Variants in USH2A observed in about 807,000 individuals in gnomAD.
The protein encoded by USH2A is usherin, also known as Usher syndrome 2A (autosomal recessive, mild).
USH2A carries 443 observed loss-of-function variants against 538.9 expected under a neutral mutation model. That is an observed-to-expected ratio of 0.82 (90% CI 0.76 to 0.89). USH2A has a LOEUF of 0.89. Ranked by LOEUF, USH2A falls within the 40% of genes least tolerant of loss-of-function variation. USH2A has a pLI of 0.00. For synonymous variants in USH2A, 2,413 were observed against 2,273.5 expected (o/e 1.06, Z -1.75); for missense variants, 6,633 against 6,324.8 (o/e 1.05, Z -1.65).
In USH2A at chr1:215,813,787, C is replaced by T. The variant is rs528342000; in HGVS notation, c.9688G>A (p.Ala3230Thr). The change falls in exon 49 of 72, where the codon GCA becomes ACA. Residue 3230 changes from alanine (A) to threonine (T), a missense_variant. By Grantham distance (58) the Ala-to-Thr change is moderately conservative. Transcript: ENST00000307340. Reference protein sequence around the residue: ...GVCCGGRIQEAQPNHQCCSGY... With the variant: ...GVCCGGRIQETQPNHQCCSGY... ...GAGCAGCACTGATGATTTGGTTGTG[C>T]CTCCTGTATTCGGCCACCACAACAA... 63 of 1,613,900 alleles carry T rather than the reference C, an allele frequency of 3.9e-5. No individual in the cohort carries two copies. The Middle Eastern group carries it at 1.2e-3, about 30-fold the overall frequency.
intron 4 of USH2A, among the ~76,000 whole-genome samples, chr1:216,363,423 C>T (rs1338949385): frequency 6.6e-6 from 1 of 151,868 alleles, no homozygotes; most frequent in East Asian, 1.9e-4. Context: ...CTTGCCAGGC[C>T]ATATAGCTAG....
intron 61 of USH2A, among the ~76,000 whole-genome samples, chr1:215,700,457 G>T (rs1428663434): frequency 6.6e-6 from 1 of 152,062 alleles, no homozygotes; most frequent in Non-Finnish European, 1.5e-5. Context: ...TTGGTTGGTA[G>T]TCTATTAATT....
At chr1:216,215,943 CTA>C (rs1308396841) in intron 15 of USH2A, among the ~76,000 whole-genome samples, 1 of 151,958 alleles carries the variant, frequency 6.6e-6, no homozygotes, top group East Asian at 1.9e-4. Context: ...AATTCCCAGA[CTA>C]TGTCTCAAAT....
intron 3 of USH2A, among the ~76,000 whole-genome samples, chr1:216,402,997 T>G (rs1164252963): frequency 5.3e-5 from 8 of 152,176 alleles, no homozygotes; most frequent in Admixed American, 3.3e-4. Context: ...ACATTAAGTT[T>G]CTACCTCAAG....
intron 32 of USH2A, among the ~76,000 whole-genome samples, chr1:216,030,433 ATATAT>A (rs1669087933): frequency 1.6e-5 from 1 of 63,138 alleles, no homozygotes; most frequent in African/African-American, 4.5e-5. Context: ...CAGACATATA[ATATAT>A]ATGATATATA....
chr1:215,826,605 C>A (rs775699894), intron 47 of USH2A, among the ~76,000 whole-genome samples: 35 of 152,084 alleles, frequency 2.3e-4, no homozygotes, highest in Non-Finnish European at 4.6e-4. Context: ...AATACTTGAT[C>A]ATGAATCTTA....
intron 43 of USH2A, among the ~76,000 whole-genome samples, chr1:215,876,358 CCCA>C (rs1327568662): frequency 6.6e-6 from 1 of 152,146 alleles, no homozygotes; most frequent in Non-Finnish European, 1.5e-5. Context: ...AGGATGTTTT[CCCA>C]CCACAACTTT....
chr1:216,102,656 C>T (rs1319533055), intron 21 of USH2A, among the ~76,000 whole-genome samples: 2 of 151,910 alleles, frequency 1.3e-5, no homozygotes, highest in East Asian at 1.9e-4. Flanking sequence ...AAAAATTAGC[C>T]GGGCGTCGTG....
intron 13 of USH2A, among the ~76,000 whole-genome samples, chr1:216,245,014 G>A (rs2036009327): frequency 6.6e-6 from 1 of 152,072 alleles, no homozygotes; most frequent in Non-Finnish European, 1.5e-5. Context: ...GGAGACAAAG[G>A]ACTTTGTTGC....
At chr1:216,296,902 C>G (rs933773837) in intron 9 of USH2A, among the ~76,000 whole-genome samples, 4 of 151,870 alleles carry the variant, frequency 2.6e-5, no homozygotes, top group African/African-American at 9.7e-5. Context: ...GGGAGTCAGA[C>G]AGCTTAGTTC....
At chr1:215,893,052 T>C (rs1190257444) in intron 40 of USH2A, among the ~76,000 whole-genome samples, 1 of 152,120 alleles carries the variant, frequency 6.6e-6, no homozygotes, top group Admixed American at 6.6e-5. Context: ...ATGTGAGAAT[T>C]CATGAAGTCA....
intron 21 of USH2A, among the ~76,000 whole-genome samples, chr1:216,118,866 C>A (rs966611300): frequency 3.9e-5 from 6 of 152,178 alleles, no homozygotes; most frequent in African/African-American, 1.4e-4. Flanking sequence ...AAGCAAGTTT[C>A]TCTCCATGTA....
At chr1:216,254,608 G>T (rs2036225562) in intron 11 of USH2A, among the ~76,000 whole-genome samples, 4 of 152,176 alleles carry the variant, frequency 2.6e-5, no homozygotes, top group Admixed American at 2.6e-4. Context: ...CACCTTGTGA[G>T]CAAGCTCATG....
chr1:216,187,657 T>C (rs1273867932), intron 20 of USH2A, among the ~76,000 whole-genome samples: 1 of 151,948 alleles, frequency 6.6e-6, no homozygotes, highest in Non-Finnish European at 1.5e-5. Flanking sequence ...TTGATAACAT[T>C]AGAAATTCCA....
intron 21 of USH2A, among the ~76,000 whole-genome samples, chr1:216,156,448 A>G (rs2033943425): frequency 6.6e-6 from 1 of 151,668 alleles, no homozygotes; most frequent in Non-Finnish European, 1.5e-5. Context: ...ACATTTATTC[A>G]GTAACTTTTC....
At chr1:216,244,112 A>T (rs2035987883) in intron 13 of USH2A, among the ~76,000 whole-genome samples, 1 of 152,196 alleles carries the variant, frequency 6.6e-6, no homozygotes, top group African/African-American at 2.4e-5. Flanking sequence ...AATTTTAGGC[A>T]GTATGTTGAG....
At chr1:215,971,113 A>G (rs1039506416) in intron 35 of USH2A, among the ~76,000 whole-genome samples, 6 of 152,182 alleles carry the variant, frequency 3.9e-5, no homozygotes, top group African/African-American at 1.4e-4. Context: ...TTGCTTTCTA[A>G]AAGAAGATAT....
At chr1:215,944,167 G>A (rs1297470520) in intron 37 of USH2A, among the ~76,000 whole-genome samples, 2 of 152,122 alleles carry the variant, frequency 1.3e-5, no homozygotes, top group Non-Finnish European at 2.9e-5. Flanking sequence ...AATTTGGCCA[G>A]CTGCCTATTT....
At chr1:216,189,071 C>G (rs2034665876) in intron 20 of USH2A, among the ~76,000 whole-genome samples, 1 of 151,846 alleles carries the variant, frequency 6.6e-6, no homozygotes, top group South Asian at 2.1e-4. Context: ...GTGTTTTGTA[C>G]AAGCTAGGTA....
Sources: allele counts gnomAD v4.1 joint callset (sites outside exome capture counted in the v4.1 genomes callset), GRCh38; gene constraint gnomAD v4.1.1; transcripts MANE v1.5; gene names NCBI Gene and HGNC (gene_info 2026-07-23, HGNC 2026-07-21).